Variants in NSD2 observed in about 807,000 individuals in gnomAD.
NSD2 encodes the protein nuclear receptor binding SET domain protein 2, also known as histone-lysine N-methyltransferase NSD2.
In NSD2, 12 loss-of-function variants were observed where a neutral mutation model predicts 139.0. The ratio of observed to expected loss-of-function variants is 0.09; its 90% CI spans 0.06 to 0.14. The LOEUF is 0.14. NSD2 is among the 10% of genes least tolerant of loss of function. The pLI is 1.00. For missense variants in NSD2, 1,155 were observed against 1,745.0 expected (o/e 0.66, Z 6.02); for synonymous variants, 669 against 648.7 (o/e 1.03, Z -0.48).
intron 5 of NSD2, among the ~76,000 whole-genome samples, chr4:1,919,549 A>G (rs1369354233): frequency 6.6e-6 from 1 of 152,194 alleles, no homozygotes. Context: ...TCATGCTTAA[A>G]AGGCTTTTTT....
At chr4:1,952,670 C>T in intron 11 of NSD2, 6 of 1,032,876 alleles carry the variant, frequency 5.8e-6, no homozygotes, top group Non-Finnish European at 7.0e-6. Flanking sequence ...TCACCTTGAG[C>T]CTCAGTTTCA....
chr4:1,973,792 G>A lies in NSD2; in HGVS notation c.3373-1071G>A, dbSNP rs1213411328. On this transcript the variant is annotated intron_variant, in intron 18 of 21. Coordinates refer to ENST00000508803, the MANE Select transcript of NSD2 (RefSeq NM_001042424.3). The surrounding 1 kb of genome is among the most constrained non-coding windows in gnomAD (Gnocchi z 5.5). ...CCAGTGTTTATCCCTGTTCACACAC[G>A]TGGTTTTGTTTGAACACGTGACTGT... Among the ~76,000 whole-genome samples, 1 of 152,354 alleles carries A rather than the reference G, an allele frequency of 6.6e-6. No individual in the cohort carries two copies. The highest frequency in any genetic ancestry group is 6.5e-5 in the Admixed American group (1 of 15,310).
chr4:1,884,584 G>T (rs1160491428), intron 1 of NSD2, among the ~76,000 whole-genome samples: 1 of 151,894 alleles, frequency 6.6e-6, no homozygotes. Context: ...AGTAGAGATG[G>T]GGTTTCACTA....
chr4:1,900,349 A>G (rs960925784), intron 1 of NSD2, among the ~76,000 whole-genome samples: 2 of 152,138 alleles, frequency 1.3e-5, no homozygotes, highest in East Asian at 1.9e-4. Context: ...CACACTGTAG[A>G]TTATTAGTGG....
chr4:1,872,049 G>A (rs1713822592), intron 1 of NSD2, among the ~76,000 whole-genome samples: 1 of 151,346 alleles, frequency 6.6e-6, no homozygotes, highest in Non-Finnish European at 1.5e-5. Flanking sequence ...GGGTCCCGGG[G>A]CCGGCGCCGG....
At chr4:1,946,763 T>A in intron 9 of NSD2, 1 of 1,048,608 alleles carries the variant, frequency 9.5e-7, no homozygotes, top group Non-Finnish European at 1.2e-6. Context: ...TATATTCATC[T>A]GATTCCTATA....
rs1722269928 is a variant in NSD2 at position 1,935,366 on chromosome 4, T to C, written c.1674+104T>C. On this transcript the variant is annotated intron_variant, in intron 7 of 21. Coordinates refer to ENST00000508803, the MANE Select transcript of NSD2 (RefSeq NM_001042424.3). The stretch of plus-strand genomic sequence containing the variant: ...AGCACACATGAGATGCAGGTGTCAG[T>C]GCACCCAGCTCCTTCCAGGCTGGTA... 8.7e-6 allele frequency: 7 copies of C among 806,880 alleles called. No homozygotes were observed. In the South Asian group the frequency reaches 1.3e-4, roughly 15 times the overall value. 50.0% of individuals were successfully genotyped at this position (806,880 alleles called of 1,614,324 possible). A position where few individuals can be genotyped will look rare whatever the true frequency, so the allele number is the denominator to read the frequency against.
At chr4:1,950,628 C>T (rs982026094) in intron 9 of NSD2, among the ~76,000 whole-genome samples, 2 of 152,188 alleles carry the variant, frequency 1.3e-5, no homozygotes, top group Non-Finnish European at 2.9e-5. Flanking sequence ...GAGGCTGACA[C>T]TTACTTCATC....
intron 9 of NSD2, among the ~76,000 whole-genome samples, chr4:1,950,174 T>G (rs941158311): frequency 8.5e-5 from 13 of 152,232 alleles, no homozygotes; most frequent in African/African-American, 2.9e-4. Context: ...TTTTATTCAT[T>G]TAAATATTTG....
chr4:1,978,564 C>A, intron 21 of NSD2, 74 bp from the exon 22 acceptor site: 2 of 1,536,944 alleles, frequency 1.3e-6, no homozygotes, highest in South Asian at 1.3e-5. Flanking sequence ...AGTTGTAAGT[C>A]ATCTTCAACC....
intron 1 of NSD2, among the ~76,000 whole-genome samples, chr4:1,881,052 T>C (rs1483093300): frequency 6.6e-6 from 1 of 152,206 alleles, no homozygotes; most frequent in African/African-American, 2.4e-5. Flanking sequence ...GTTTGTGTCA[T>C]GATCCTATGG....
Position 1,955,141 on chromosome 4 carries a change from G to T in NSD2, c.2339-20G>T, listed in dbSNP as rs1437943267. 1 of 1,589,462 alleles carries T rather than the reference G, an allele frequency of 6.3e-7. No individual in the cohort carries two copies. The highest frequency in any genetic ancestry group is 8.6e-7 in the Non-Finnish European group (1 of 1,159,490). On this transcript the variant is annotated intron_variant, in intron 12 of 21. Coordinates refer to ENST00000508803, the MANE Select transcript of NSD2 (RefSeq NM_001042424.3). This position sits in a 1 kb window ranked among gnomAD's most constrained non-coding sequence, Gnocchi z 4.7. Reference sequence around the variant, plus strand: ...GGAGTCAGTGTTTGGGGTCCTTAGGGTGTGTTTCTTTGCCTTCAGGTAAAA... The same window carrying T: ...GGAGTCAGTGTTTGGGGTCCTTAGGTTGTGTTTCTTTGCCTTCAGGTAAAA...
At chr4:1,971,779 C>G (rs1028926555) in intron 18 of NSD2, among the ~76,000 whole-genome samples, 2 of 152,220 alleles carry the variant, frequency 1.3e-5, no homozygotes, top group Non-Finnish European at 2.9e-5. Context: ...GAGGGCTTAA[C>G]AACCCTATCA....
intron 9 of NSD2, chr4:1,947,855 T>G (rs1723796128): frequency 9.5e-7 from 1 of 1,052,196 alleles, no homozygotes; most frequent in Non-Finnish European, 1.1e-6. Context: ...TGTCAAAAAA[T>G]TAAAAACTCA....
chr4:1,872,629 A>AGAGAGAGAGAGAGAGAGAGG (rs1553856461), intron 1 of NSD2, among the ~76,000 whole-genome samples: 4 of 142,694 alleles, frequency 2.8e-5, no homozygotes, highest in Non-Finnish European at 6.2e-5. Flanking sequence ...AGAGAGAGAG[A>AGAGAGAGAGAGAGAGAGAGG]GAGAGAGCGC....
rs553349679 is a variant in NSD2 at position 1,905,079 on chromosome 4, G to A, written c.760+701G>A. On this transcript the variant is annotated intron_variant, in intron 3 of 21. Transcript: ENST00000508803. Reference sequence around the variant, plus strand: ...CGGGAGGTGGAGGTTGCAGTGAGCCGAGATCGCGCCATTGCACTCTAGTCT... The same window carrying A: ...CGGGAGGTGGAGGTTGCAGTGAGCCAAGATCGCGCCATTGCACTCTAGTCT... Among the ~76,000 whole-genome samples the A allele has an allele frequency of 1.1e-3, 160 of 152,108 alleles. 1 individual carries two copies. Among genetic ancestry groups the A allele is most frequent in the Non-Finnish European group, 1.7e-3 (116 of 67,992 alleles).
In NSD2 at chr4:1,925,772, A is replaced by AT. The variant is rs564472093; in HGVS notation, c.1411-4845dup. Among the ~76,000 whole-genome samples, 109 of 148,956 alleles carry AT rather than the reference A, an allele frequency of 7.3e-4. 1 individual carries two copies. Among genetic ancestry groups the AT allele is most frequent in the African/African-American group, 2.6e-3 (103 of 39,472 alleles). ...CTTCTTTTTATATATCTATATATATATTTTTTTTTGTTTGTTTGTTTGTTT... is the reference window on the plus strand; with the variant it reads ...CTTCTTTTTATATATCTATATATATATTTTTTTTTTGTTTGTTTGTTTGTTT... On this transcript the variant is annotated intron_variant, in intron 5 of 21. Coordinates refer to ENST00000508803, the MANE Select transcript of NSD2 (RefSeq NM_001042424.3).
chr4:1,927,091 G>A (rs959952618), intron 5 of NSD2, among the ~76,000 whole-genome samples: 1 of 152,122 alleles, frequency 6.6e-6, no homozygotes, highest in African/African-American at 2.4e-5. Context: ...CTGCTTCCAG[G>A]GTACCTTCTC....
chr4:1,925,399 T>C (rs1720746470), intron 5 of NSD2, among the ~76,000 whole-genome samples: 2 of 136,846 alleles, frequency 1.5e-5, no homozygotes, highest in Non-Finnish European at 3.1e-5. Context: ...CTTTTTTTTT[T>C]TTTTTTTTTT....
Sources: allele counts gnomAD v4.1 joint callset (sites outside exome capture counted in the v4.1 genomes callset), GRCh38; gene constraint gnomAD v4.1.1; non-coding constraint Gnocchi (gnomAD v3.1); transcripts MANE v1.5; gene names NCBI Gene and HGNC (gene_info 2026-07-23, HGNC 2026-07-21).